PRKN: variants seen among roughly 807,000 people sequenced by gnomAD.
The protein encoded by PRKN is parkin RBR E3 ubiquitin protein ligase, also known as E3 ubiquitin-protein ligase parkin.
Under a neutral mutation model 59.5 loss-of-function variants are expected in PRKN, and 56 were observed. The observed-to-expected ratio is 0.94, with a 90% CI of 0.76 to 1.18. The LOEUF is 1.18. PRKN is among the 50% of genes most tolerant of loss of function. The probability of loss-of-function intolerance (pLI) is 0.00; values close to 1 mark genes in which losing one functional copy is unlikely to be tolerated. For synonymous variants in PRKN, 250 were observed against 222.1 expected, an observed-to-expected ratio of 1.13 and a Z score of -1.12; for missense variants, 657 against 596.4, an observed-to-expected ratio of 1.10 and a Z score of -1.06.
chr6:161,518,397 C>T lies in PRKN; in HGVS notation c.1083+30457G>A, dbSNP rs376922093. Among the ~76,000 whole-genome samples, 218 of 152,314 alleles carry T rather than the reference C, an allele frequency of 1.4e-3. 6 individuals carry two copies. The South Asian group carries it at 0.04, about 28-fold the overall frequency. The stretch of plus-strand genomic sequence containing the variant: ...GGCCCAGAAACAGCCAGTAGCCAGG[C>T]GTGGTGGTGGGCGCCTGTAGTCCCA... On this transcript the variant is annotated intron_variant, in intron 9 of 11. Transcript: ENST00000366898. The surrounding 1 kb of genome is among the most constrained non-coding windows in gnomAD (Gnocchi z 5.0).
intron 2 of PRKN, among the ~76,000 whole-genome samples, chr6:162,283,711 G>A (rs903613536): frequency 6.6e-6 from 1 of 152,134 alleles, no homozygotes; most frequent in African/African-American, 2.4e-5. Context: ...AGTAGAGACA[G>A]GGTTTCGCCA....
At chr6:162,526,737 A>G (rs575389695) in intron 1 of PRKN, among the ~76,000 whole-genome samples, 99 of 152,334 alleles carry the variant, frequency 6.5e-4, no homozygotes, top group Non-Finnish European at 1.2e-3. Context: ...GAAAAGCTGC[A>G]TAAGAGAATA....
At chr6:162,343,843 G>T (rs1422112351) in intron 2 of PRKN, among the ~76,000 whole-genome samples, 2 of 152,122 alleles carry the variant, frequency 1.3e-5, no homozygotes, top group Non-Finnish European at 2.9e-5. Context: ...AGATAAGAAA[G>T]CTTCTGCTAA....
chr6:162,529,546 C>A (rs533070632), intron 1 of PRKN, among the ~76,000 whole-genome samples: 2 of 152,246 alleles, frequency 1.3e-5, no homozygotes, highest in Middle Eastern at 3.4e-3. Context: ...GCAACCCACC[C>A]GCCAAGTTCG....
intron 9 of PRKN, among the ~76,000 whole-genome samples, chr6:161,539,642 A>G (rs1263074389): frequency 1.3e-5 from 2 of 152,246 alleles, no homozygotes; most frequent in African/African-American, 4.8e-5. Context: ...TCATAAACTC[A>G]GTCCCTAAGT....
chr6:162,578,539 G>A (rs1780652678), intron 1 of PRKN, among the ~76,000 whole-genome samples: 1 of 152,164 alleles, frequency 6.6e-6, no homozygotes, highest in Admixed American at 6.6e-5. Context: ...TGAGGACAAT[G>A]TATTTAGGAA....
Position 162,404,264 on chromosome 6 carries a change from G to A in PRKN, c.171+39046C>T, listed in dbSNP as rs775335535. 2.4e-4 allele frequency among the ~76,000 whole-genome samples: 37 copies of A among 151,780 alleles called. No individual in the cohort carries two copies. In the Middle Eastern group the frequency reaches 0.014, roughly 56 times the overall value. On this transcript the variant is annotated intron_variant, in intron 2 of 11. Coordinates refer to ENST00000366898, the MANE Select transcript of PRKN (RefSeq NM_004562.3). ...ATGTGCCTGTAATCCCAGCTACTCA[G>A]GAGGCTGAGGCAGGAGAATCATTTA...
At chr6:162,090,107 C>A (rs1237846031) in intron 4 of PRKN, among the ~76,000 whole-genome samples, 1 of 152,002 alleles carries the variant, frequency 6.6e-6, no homozygotes, top group Non-Finnish European at 1.5e-5. Context: ...ATTCCATAAG[C>A]CAGCCTAAAA....
intron 2 of PRKN, among the ~76,000 whole-genome samples, chr6:162,391,952 G>A (rs1787220572): frequency 6.6e-6 from 1 of 152,054 alleles, no homozygotes; most frequent in Non-Finnish European, 1.5e-5. Context: ...CTAAGATTAT[G>A]GATTTTAGGT....
At chr6:162,179,968 CTGTGTGTGTGTGTGTGTGTG>C (rs61592555) in intron 4 of PRKN, among the ~76,000 whole-genome samples, 1 of 139,724 alleles carries the variant, frequency 7.2e-6, no homozygotes. Flanking sequence ...TATCTTATTA[CTGTGTGTGTGTGTGTGTGTG>C]TGTGTGTGTG....
intron 6 of PRKN, among the ~76,000 whole-genome samples, chr6:161,931,216 A>T (rs1583362593): frequency 6.6e-6 from 1 of 152,240 alleles, no homozygotes; most frequent in Non-Finnish European, 1.5e-5. Context: ...TGGGTGGATC[A>T]TTTGAGGTTA....
At position 161,487,911 on chromosome 6, in the gene PRKN, C is replaced by T. The variant is rs796652412; in HGVS notation, c.1083+60943G>A. ...CCTTCCTTCCTCTTTTTCTTCCCTC[C>T]CGTCATTAAACACATATTTACTGAA... On this transcript the variant is annotated intron_variant, in intron 9 of 11. Coordinates refer to ENST00000366898, the MANE Select transcript of PRKN (RefSeq NM_004562.3). This position sits in a 1 kb window ranked among gnomAD's most constrained non-coding sequence, Gnocchi z 5.3. Among the ~76,000 whole-genome samples the T allele has an allele frequency of 2.6e-5, 4 of 152,288 alleles. No individual in the cohort carries two copies. Among genetic ancestry groups the T allele is most frequent in the African/African-American group, 9.6e-5 (4 of 41,562 alleles).
At chr6:162,314,646 C>T (rs1053306269) in intron 2 of PRKN, among the ~76,000 whole-genome samples, 11 of 152,130 alleles carry the variant, frequency 7.2e-5, no homozygotes, top group Admixed American at 2.6e-4. Flanking sequence ...AGTGTGTTAA[C>T]ACCCCTAGTA....
At chr6:161,849,941 G>A (rs920565263) in intron 6 of PRKN, among the ~76,000 whole-genome samples, 2 of 152,112 alleles carry the variant, frequency 1.3e-5, no homozygotes, top group South Asian at 2.1e-4. Flanking sequence ...TCATATGTGC[G>A]TCAGCTATTT....
intron 1 of PRKN, among the ~76,000 whole-genome samples, chr6:162,677,153 C>T (rs1427117312): frequency 6.7e-6 from 1 of 149,832 alleles, no homozygotes; most frequent in East Asian, 2.0e-4. Context: ...AAGACAACCC[C>T]AAATTCTGAT....
At chr6:162,583,399 T>C (rs1780866154) in intron 1 of PRKN, among the ~76,000 whole-genome samples, 1 of 152,228 alleles carries the variant, frequency 6.6e-6, no homozygotes, top group South Asian at 2.1e-4. Flanking sequence ...AAATTCTTTG[T>C]GAATCATGGC....
intron 6 of PRKN, among the ~76,000 whole-genome samples, chr6:161,958,546 T>C (rs1780267312): frequency 6.6e-6 from 1 of 152,176 alleles, no homozygotes; most frequent in Non-Finnish European, 1.5e-5. Context: ...TTCTTTGCAG[T>C]TGTTTTCATT....
At chr6:162,434,639 C>T (rs967377865) in intron 2 of PRKN, among the ~76,000 whole-genome samples, 3 of 152,118 alleles carry the variant, frequency 2.0e-5, no homozygotes, top group African/African-American at 7.2e-5. Flanking sequence ...AGGATCACAT[C>T]CCACACATTT....
At chr6:162,440,970 C>T (rs937126673) in intron 2 of PRKN, among the ~76,000 whole-genome samples, 1 of 152,036 alleles carries the variant, frequency 6.6e-6, no homozygotes, top group African/African-American at 2.4e-5. Flanking sequence ...ACATGTGTAA[C>T]TTCCTAGTCT....
Sources: gnomAD v4.1 joint callset for allele counts (sites outside exome capture counted in the v4.1 genomes callset) on GRCh38, gnomAD v4.1.1 for gene constraint, Gnocchi (gnomAD v3.1) non-coding constraint, MANE v1.5 for transcripts, NCBI Gene and HGNC (gene_info 2026-07-23, HGNC 2026-07-21) for gene names.